RIPK2: variants seen among roughly 807,000 people sequenced by gnomAD.
RIPK2 encodes receptor interacting serine/threonine kinase 2.
A neutral mutation model predicts 60.9 loss-of-function variants in RIPK2; 38 were observed. The observed-to-expected ratio is 0.62, with a 90% confidence interval of 0.48 to 0.82. The LOEUF is 0.82. Ranked by LOEUF, RIPK2 falls within the 40% of genes least tolerant of loss-of-function variation. The probability of loss-of-function intolerance (pLI) is 0.00; values close to 1 mark genes in which losing one functional copy is unlikely to be tolerated. For synonymous variants in RIPK2, 225 were observed against 223.4 expected, an observed-to-expected ratio of 1.01 and a Z score of -0.06; for missense variants, 518 against 647.0, an observed-to-expected ratio of 0.80 and a Z score of 2.16.
At chr8:89,772,307 G>A (rs931508223) in intron 5 of RIPK2, among the ~76,000 whole-genome samples, 96 of 151,908 alleles carry the variant, frequency 6.3e-4, no homozygotes, top group African/African-American at 2.3e-3. Flanking sequence ...AAACAACCTC[G>A]GAATCTCCGT....
chr8:89,777,865 C>A (rs879440199), intron 6 of RIPK2, among the ~76,000 whole-genome samples: 1 of 151,576 alleles, frequency 6.6e-6, no homozygotes, highest in Admixed American at 6.6e-5. Context: ...AAAGCAGATT[C>A]TGGGAACCTG....
intron 7 of RIPK2, among the ~76,000 whole-genome samples, chr8:89,783,738 T>G (rs1027788261): frequency 6.6e-6 from 1 of 152,192 alleles, no homozygotes; most frequent in African/African-American, 2.4e-5. Flanking sequence ...ATACCAGATA[T>G]TTCATATTTA....
chr8:89,785,758 G>A (rs540863347), intron 8 of RIPK2, among the ~76,000 whole-genome samples: 1 of 152,198 alleles, frequency 6.6e-6, no homozygotes, highest in South Asian at 2.1e-4. Flanking sequence ...GATCTTTGAG[G>A]CCATTCATGC....
intron 3 of RIPK2, 29 bp from the exon 4 acceptor site, chr8:89,769,743 T>C (rs1809283070): frequency 4.1e-6 from 6 of 1,472,032 alleles, no homozygotes; most frequent in Admixed American, 2.5e-5. Flanking sequence ...AGAGGAAATT[T>C]CTTAATTATT....
intron 1 of RIPK2, among the ~76,000 whole-genome samples, chr8:89,759,615 C>T (rs1044948839): frequency 1.4e-4 from 22 of 152,240 alleles, no homozygotes; most frequent in African/African-American, 5.3e-4. Flanking sequence ...TCTTGTCTAT[C>T]ATAATCCAGA....
At chr8:89,767,662 T>C (rs1041752373) in intron 3 of RIPK2, among the ~76,000 whole-genome samples, 1 of 151,886 alleles carries the variant, frequency 6.6e-6, no homozygotes, top group Middle Eastern at 3.4e-3. Context: ...ACAGGGAGTC[T>C]TAACATCCTT....
Position 89,772,836 on chromosome 8 carries a change from T to C in RIPK2, c.853+8T>C. ...AAAGACCATCTTTCTTAAGTGAGTA[T>C]ATAGTTTTAACCTAGACTCTTTGAA... is the stretch of plus-strand genomic sequence containing the variant. On this transcript the variant is annotated splice_region_variant and intron_variant, in intron 6 of 10. Coordinates refer to ENST00000220751, the MANE Select transcript of RIPK2 (RefSeq NM_003821.6). 3 of 1,589,918 alleles carry C rather than the reference T, an allele frequency of 1.9e-6. No homozygotes were observed. Among genetic ancestry groups the C allele is most frequent in the Non-Finnish European group, 2.6e-6 (3 of 1,165,920 alleles).
In RIPK2 at chr8:89,777,897, A is replaced by G. The variant is rs1047834454; in HGVS notation, c.854-2178A>G. Among the ~76,000 whole-genome samples the G allele has an allele frequency of 1.4e-4, 21 of 152,270 alleles. 1 individual carries two copies. In the South Asian group the frequency reaches 2.7e-3, roughly 20 times the overall value. On this transcript the variant is annotated intron_variant, in intron 6 of 10. Coordinates refer to ENST00000220751, the MANE Select transcript of RIPK2 (RefSeq NM_003821.6). ...CCTGAAAGGGAAAGGAAGAAAAAAAAATCAATAATAAGGAAAGTTTAAGTG... is the reference window on the plus strand; with the variant it reads ...CCTGAAAGGGAAAGGAAGAAAAAAAGATCAATAATAAGGAAAGTTTAAGTG...
intron 3 of RIPK2, among the ~76,000 whole-genome samples, chr8:89,767,024 C>T (rs1809240129): frequency 6.6e-6 from 1 of 151,702 alleles, no homozygotes; most frequent in Non-Finnish European, 1.5e-5. Context: ...CATATTTTTT[C>T]TTCTATGGAT....
intron 4 of RIPK2, among the ~76,000 whole-genome samples, chr8:89,771,538 A>G (rs1196219434): frequency 9.2e-5 from 14 of 151,966 alleles, no homozygotes; most frequent in Admixed American, 9.2e-4. Context: ...GTATTACAGT[A>G]ATTTCCTAAT....
chr8:89,779,310 G>GGTTTTTTT lies in RIPK2; in HGVS notation c.854-765_854-764insGTTTTTTT, dbSNP rs1586128992. Among the ~76,000 whole-genome samples, 132 of 79,118 alleles carry GGTTTTTTT rather than the reference G, an allele frequency of 1.7e-3. 9 individuals are homozygous for GGTTTTTTT. The highest frequency in any genetic ancestry group is 7.1e-3 in the African/African-American group (122 of 17,142). 51.9% of individuals were successfully genotyped at this position (79,118 alleles called of 152,430 possible). On this transcript the variant is annotated intron_variant, in intron 6 of 10. Coordinates refer to ENST00000220751, the MANE Select transcript of RIPK2 (RefSeq NM_003821.6). Reference sequence around the variant, plus strand: ...AGTCCAATTTTTAGGCGGTTTTTGGGTTTTTTTTTTTTTTTTTTTTTTGAG... The same window carrying GGTTTTTTT: ...AGTCCAATTTTTAGGCGGTTTTTGGGGTTTTTTTTTTTTTTTTTTTTTTTTTTTTTGAG...
At chr8:89,772,641 TG>T in intron 5 of RIPK2, 25 bp from the exon 6 acceptor site, 1 of 1,518,006 alleles carries the variant, frequency 6.6e-7, no homozygotes, top group Non-Finnish European at 9.0e-7. Flanking sequence ...ATATTACTAA[TG>T]AATGCAATCT....
intron 3 of RIPK2, among the ~76,000 whole-genome samples, chr8:89,767,459 C>T (rs1304583780): frequency 1.3e-5 from 2 of 151,624 alleles, no homozygotes; most frequent in Non-Finnish European, 3.0e-5. Flanking sequence ...TTATTGAAGA[C>T]ACTCCTCTCC....
chr8:89,787,274 G>C lies in RIPK2; in HGVS notation c.1123+588G>C, dbSNP rs555688076. 9.2e-5 allele frequency among the ~76,000 whole-genome samples: 14 copies of C among 152,332 alleles called. No individual in the cohort carries two copies. The South Asian group carries it at 1.0e-3, about 11-fold the overall frequency. ...ATGTTTCTAAATAACTATTATATGA[G>C]ATAGTGATATAAGAGAGACGTGGAT... On this transcript the variant is annotated intron_variant, in intron 9 of 10. Coordinates refer to ENST00000220751, the MANE Select transcript of RIPK2 (RefSeq NM_003821.6).
In RIPK2 at chr8:89,769,752, TTTGCTCTTGTCC is replaced by T; in HGVS notation, c.484-19_484-8del. 6.7e-7 allele frequency: 1 copy of T among 1,482,234 alleles called. No homozygotes were observed. The highest frequency in any genetic ancestry group is 1.5e-5 in the South Asian group (1 of 68,228). 91.8% of individuals were successfully genotyped at this position (1,482,234 alleles called of 1,614,324 possible). The stretch of plus-strand genomic sequence containing the variant: ...TTTTAAAGAGGAAATTTCTTAATTA[TTTGCTCTTGTCC>T]CTTACAGATTGCAGATTTTGGTTTA... On this transcript the variant is annotated splice_polypyrimidine_tract_variant and splice_region_variant and intron_variant, in intron 3 of 10. Transcript: ENST00000220751.
intron 6 of RIPK2, among the ~76,000 whole-genome samples, chr8:89,777,580 A>AGT (rs35518918): frequency 0.39 from 58,193 of 151,140 alleles, 15,734 homozygotes; most frequent in African/African-American, 0.77. Flanking sequence ...GTACAGTGTG[A>AGT]GTGTGTGTGT....
At chr8:89,765,630 C>T (rs1809215025) in intron 3 of RIPK2, 134 bp downstream of exon 3, 4 of 508,688 alleles carry the variant, frequency 7.9e-6, no homozygotes, top group Non-Finnish European at 1.4e-5. Context: ...ATTTCCATAG[C>T]CCCTAATTTC....
intron 9 of RIPK2, among the ~76,000 whole-genome samples, chr8:89,787,291 G>T (rs1223901379): frequency 6.6e-6 from 1 of 152,240 alleles, no homozygotes; most frequent in African/African-American, 2.4e-5. Flanking sequence ...ATATAAGAGA[G>T]ACGTGGATCT....
chr8:89,780,944 G>T (rs7830914), intron 7 of RIPK2, among the ~76,000 whole-genome samples: 9,486 of 141,844 alleles, frequency 0.067, 872 homozygotes, highest in African/African-American at 0.21. Context: ...TACTGCAGGG[G>T]TTTTTTTTTT....
Sources: gnomAD v4.1 joint callset for allele counts (sites outside exome capture counted in the v4.1 genomes callset) on GRCh38, gnomAD v4.1.1 for gene constraint, MANE v1.5 for transcripts, NCBI Gene and HGNC (gene_info 2026-07-23, HGNC 2026-07-21) for gene names.